CYFIP2: variants seen among roughly 807,000 people sequenced by gnomAD.
CYFIP2 encodes cytoplasmic FMR1-interacting protein 2.
CYFIP2 carries 29 observed loss-of-function variants against 158.7 expected under a neutral mutation model. The ratio of observed to expected loss-of-function variants is 0.18; its 90% confidence interval spans 0.14 to 0.25. The LOEUF is 0.25. CYFIP2 is among the 10% of genes least tolerant of loss of function. The pLI is 1.00. For missense variants in CYFIP2, 852 were observed against 1,639.5 expected (o/e 0.52, Z 8.29); for synonymous variants, 585 against 617.6 (o/e 0.95, Z 0.78).
intron 16 of CYFIP2, chr5:157,324,837 C>T (rs1047763053): frequency 6.6e-6 from 1 of 151,652 alleles, no homozygotes; most frequent in Non-Finnish European, 1.5e-5. Context: ...GCAACCTCCG[C>T]TTCCCAGGTT....
At chr5:157,316,336 C>T (rs1760145058) in intron 13 of CYFIP2, among the ~76,000 whole-genome samples, 1 of 151,710 alleles carries the variant, frequency 6.6e-6, no homozygotes, top group African/African-American at 2.4e-5. Context: ...AATAAAAATC[C>T]AAATATAGAC....
intron 29 of CYFIP2, 56 bp from the exon 30 acceptor site, chr5:157,390,465 T>C: frequency 1.9e-6 from 1 of 538,642 alleles, no homozygotes; most frequent in Admixed American, 2.5e-5. Flanking sequence ...GCTCCCTCCC[T>C]CCCTGCCCTC....
At chr5:157,304,463 C>T in intron 8 of CYFIP2, 97 bp downstream of exon 8, 4 of 1,391,406 alleles carry the variant, frequency 2.9e-6, no homozygotes, top group African/African-American at 1.4e-5. Context: ...TTTCTTTTTT[C>T]TTAAACATTG....
chr5:157,268,862 G>A (rs529916381), intron 1 of CYFIP2, among the ~76,000 whole-genome samples: 10 of 152,206 alleles, frequency 6.6e-5, no homozygotes, highest in Non-Finnish European at 1.2e-4. Context: ...GTGAGATGGT[G>A]GGAGAAGGGG....
chr5:157,356,723 G>T (rs1015844575), intron 23 of CYFIP2, among the ~76,000 whole-genome samples: 2 of 152,130 alleles, frequency 1.3e-5, no homozygotes, highest in South Asian at 2.1e-4. Flanking sequence ...AGCTGCACTC[G>T]CTTAGAAGAG....
chr5:157,374,913 C>G (rs1405136383), intron 26 of CYFIP2, among the ~76,000 whole-genome samples: 1 of 152,214 alleles, frequency 6.6e-6, no homozygotes, highest in Non-Finnish European at 1.5e-5. Flanking sequence ...GCAAGACCAG[C>G]CTCTCCATCC....
Position 157,296,729 on chromosome 5 carries a change from G to T in CYFIP2, c.342G>T (p.Val114=). The part of the protein sequence containing the change: ...RVEIYEKTVE[V]LEPEVTKLMK... The stretch of plus-strand genomic sequence containing the variant: ...AGATCTATGAGAAGACAGTAGAGGT[G>T]CTGGAGCCGGAGGTCACCAAGCTCA... The change falls in exon 5 of 31, where the codon GTG becomes GTT. Residue 114 remains valine (V), a synonymous_variant. Coordinates refer to ENST00000620254, the MANE Select transcript of CYFIP2 (RefSeq NM_001037333.3). The T allele has an allele frequency of 1.2e-6, 2 of 1,613,870 alleles. No homozygotes were observed. Among genetic ancestry groups the T allele is most frequent in the Non-Finnish European group, 1.7e-6 (2 of 1,179,776 alleles).
intron 15 of CYFIP2, among the ~76,000 whole-genome samples, chr5:157,322,362 T>C (rs985631536): frequency 6.6e-6 from 1 of 152,170 alleles, no homozygotes; most frequent in East Asian, 1.9e-4. Context: ...TCTTGCATAG[T>C]TGGGATAGAG....
intron 5 of CYFIP2, among the ~76,000 whole-genome samples, chr5:157,298,079 A>G (rs971920672): frequency 1.2e-4 from 18 of 152,214 alleles, no homozygotes; most frequent in African/African-American, 3.9e-4. Flanking sequence ...GTGGAGCTCA[A>G]TCGGGGCCAT....
chr5:157,315,004 C>T lies in CYFIP2; in HGVS notation c.1266C>T (p.Phe422=). The part of the protein sequence containing the change: ...SWKLVHPTDK[F]CNKDCPGTAE... The stretch of plus-strand genomic sequence containing the variant: ...AGCTGGTTCATCCCACAGACAAGTT[C>T]TGCAACAAGGACTGTCCTGGCACCG... Residue 422 remains phenylalanine, a synonymous_variant, in exon 13 of 31, where the codon TTC becomes TTT. Coordinates refer to ENST00000620254, the MANE Select transcript of CYFIP2 (RefSeq NM_001037333.3). 1 of 1,594,156 alleles carries T rather than the reference C, an allele frequency of 6.3e-7. No individual in the cohort carries two copies. The highest frequency in any genetic ancestry group is 1.1e-5 in the South Asian group (1 of 87,458).
Position 157,300,697 on chromosome 5 carries a change from C to G in CYFIP2, c.388-18C>G. 1 of 1,550,492 alleles carries G rather than the reference C, an allele frequency of 6.4e-7. No individual in the cohort carries two copies. Among genetic ancestry groups the G allele is most frequent in the Non-Finnish European group, 8.7e-7 (1 of 1,145,852 alleles). On this transcript the variant is annotated intron_variant, in intron 5 of 30. Transcript: ENST00000620254. ...AAGGGAGCACAGTGGACCTTACTCA[C>G]TGCCCCTCTGCCCCCAGCGCAAGGC... is the stretch of plus-strand genomic sequence containing the variant.
intron 16 of CYFIP2, chr5:157,324,670 C>T (rs1295618234): frequency 3.9e-5 from 6 of 151,958 alleles, no homozygotes; most frequent in Non-Finnish European, 8.8e-5. Context: ...TTATCACACG[C>T]GAGGAGTCAA....
chr5:157,300,132 A>G (rs1163132485), intron 5 of CYFIP2, among the ~76,000 whole-genome samples: 1 of 152,110 alleles, frequency 6.6e-6, no homozygotes, highest in Non-Finnish European at 1.5e-5. Flanking sequence ...ACACTGTCCT[A>G]GGTGCTGGGA....
intron 3 of CYFIP2, among the ~76,000 whole-genome samples, chr5:157,290,210 T>A (rs961858966): frequency 1.3e-5 from 2 of 152,214 alleles, no homozygotes; most frequent in Admixed American, 6.5e-5. Context: ...GAACACTGAT[T>A]TATTTGCTTA....
At chr5:157,277,841 T>G (rs1416385732) in intron 1 of CYFIP2, among the ~76,000 whole-genome samples, 1 of 152,036 alleles carries the variant, frequency 6.6e-6, no homozygotes, top group African/African-American at 2.4e-5. Flanking sequence ...CATCATAGAG[T>G]GCATTTACAC....
intron 15 of CYFIP2, chr5:157,322,852 TTC>T (rs143886830): frequency 0.035 from 37,515 of 1,071,444 alleles, no homozygotes; most frequent in South Asian, 0.045. Context: ...CCTCTTGCTT[TTC>T]TCTCTCTCTC....
rs774751204 is a variant in CYFIP2, at chr5:157,343,277, T to C, written c.2673+2120T>C. On this transcript the variant is annotated intron_variant, in intron 23 of 30. Transcript: ENST00000620254. ...CAGGGTGTGGAACATGGTGCAGTAG[T>C]GCCTGTAAGGGAAGGCAGCCTTCTT... 2.5e-6 allele frequency: 4 copies of C among 1,613,984 alleles called. No homozygotes were observed. The highest frequency in any genetic ancestry group is 3.3e-5 in the Admixed American group (2 of 59,998).
At chr5:157,356,505 G>C (rs1186726793) in intron 23 of CYFIP2, among the ~76,000 whole-genome samples, 1 of 152,176 alleles carries the variant, frequency 6.6e-6, no homozygotes, top group Non-Finnish European at 1.5e-5. Flanking sequence ...TGTGAGTTTT[G>C]ACAAACACTT....
intron 3 of CYFIP2, among the ~76,000 whole-genome samples, chr5:157,289,148 T>C (rs990804839): frequency 6.6e-6 from 1 of 152,210 alleles, no homozygotes; most frequent in African/African-American, 2.4e-5. Flanking sequence ...GGACTGGACC[T>C]GAAATCCAGG....
Sources: gnomAD v4.1 joint callset for allele counts (sites outside exome capture counted in the v4.1 genomes callset) on GRCh38, gnomAD v4.1.1 for gene constraint, MANE v1.5 for transcripts, NCBI Gene and HGNC (gene_info 2026-07-23, HGNC 2026-07-21) for gene names.